The following ACAP3 variants were observed in gnomAD, a reference collection of about 807,000 sequenced individuals.
ACAP3 encodes the protein arf-GAP with coiled-coil, ANK repeat and PH domain-containing protein 3.
Under a neutral mutation model 104.1 loss-of-function variants are expected in ACAP3, and 56 were observed. The observed-to-expected ratio is 0.54, with a 90% CI of 0.43 to 0.67. ACAP3 has a LOEUF of 0.67. Ranked by LOEUF, ACAP3 falls within the 30% of genes least tolerant of loss-of-function variation. The pLI, the probability that ACAP3 is intolerant of heterozygous loss-of-function variation, is 0.00. For missense variants in ACAP3, 1,208 were observed against 1,174.9 expected (o/e 1.03, Z -0.41); for synonymous variants, 628 against 496.2 (o/e 1.27, Z -3.53).
chr1:1,293,402 G>T lies in ACAP3; in HGVS notation c.*162C>A. On this transcript the variant is annotated 3_prime_UTR_variant, in exon 24 of 24. Transcript: ENST00000354700. ...TCAAGAGACTCAGTGTGGGGCCCTC[G>T]CTCTCCTCCTGGGCGAGCAGGGCCG... 1.5e-6 allele frequency: 1 copy of T among 656,712 alleles called. No homozygotes were observed. The highest frequency in any genetic ancestry group is 2.1e-6 in the Non-Finnish European group (1 of 471,142). The allele number at this position is 656,712 out of a possible 1,614,324, so 40.7% of individuals were successfully genotyped here. A position where few individuals can be genotyped will look rare whatever the true frequency, so the allele number is the denominator to read the frequency against.
chr1:1,297,804 G>A lies in ACAP3; in HGVS notation c.1128+18C>T, dbSNP rs1429659828. ...GTGTGTGTGCACGGGCTTGGGGCAG[G>A]GGCACCAAGGGCCACACCTCGCTAT... is the stretch of plus-strand genomic sequence containing the variant. On this transcript the variant is annotated intron_variant, in intron 14 of 23. Coordinates refer to ENST00000354700, the MANE Select transcript of ACAP3 (RefSeq NM_030649.3). 1.2e-6 allele frequency: 2 copies of A among 1,607,132 alleles called. No individual in the cohort carries two copies. Among genetic ancestry groups the A allele is most frequent in the Non-Finnish European group, 1.7e-6 (2 of 1,176,264 alleles).
chr1:1,298,706 G>A, intron 10 of ACAP3, 27 bp from the exon 11 acceptor site: 1 of 1,569,644 alleles, frequency 6.4e-7, no homozygotes, highest in Non-Finnish European at 8.8e-7. Flanking sequence ...CGCCCCCTCA[G>A]TGCCCACCCC....
At chr1:1,304,930 A>G (rs925464300) in intron 1 of ACAP3, 1 of 152,248 alleles carries the variant, frequency 6.6e-6, no homozygotes, top group Non-Finnish European at 1.5e-5. Flanking sequence ...CCTCCACACA[A>G]TCGGCTCACT....
intron 12 of ACAP3, 26 bp downstream of exon 12, chr1:1,298,344 G>A (rs1464700630): frequency 6.2e-7 from 1 of 1,605,688 alleles, no homozygotes; most frequent in South Asian, 1.1e-5. Flanking sequence ...AGCCATCAGG[G>A]CCCCAGCCCC....
chr1:1,302,101 T>C (rs1641470770), intron 4 of ACAP3, 55 bp from the exon 5 acceptor site: 1 of 1,393,094 alleles, frequency 7.2e-7, no homozygotes, highest in Non-Finnish European at 9.5e-7. Context: ...GAGCCCCAGA[T>C]GGAAGGCCCC....
intron 11 of ACAP3, 69 bp downstream of exon 11, chr1:1,298,498 A>AACC: frequency 3.2e-5 from 17 of 533,066 alleles, no homozygotes; most frequent in South Asian, 9.2e-5. Flanking sequence ...CCACCTGAGG[A>AACC]CCCCACCCCC....
intron 22 of ACAP3, 33 bp downstream of exon 22, chr1:1,294,057 G>C: frequency 6.5e-7 from 1 of 1,530,192 alleles, no homozygotes; most frequent in South Asian, 1.2e-5. Context: ...GCGTGGTCGG[G>C]GCACAGGGCG....
At chr1:1,295,624 G>A (rs1456517358) in intron 18 of ACAP3, 70 bp from the exon 19 acceptor site, 18 of 1,566,816 alleles carry the variant, frequency 1.1e-5, no homozygotes, top group Admixed American at 1.1e-4. Context: ...AGGTCACGCC[G>A]GGAGTCTGCG....
chr1:1,302,794 T>C (rs1172802915), intron 4 of ACAP3, 128 bp downstream of exon 4: 12 of 175,976 alleles, frequency 6.8e-5, no homozygotes, highest in Admixed American at 3.1e-4. Context: ...AAATGTGGGA[T>C]TCCCCCCCCC....
In ACAP3 at chr1:1,303,153, G is replaced by A. The variant is rs776176506; in HGVS notation, c.225+9C>T. The A allele has an allele frequency of 3.2e-5, 51 of 1,591,752 alleles. No individual in the cohort carries two copies. The highest frequency in any genetic ancestry group is 4.4e-5 in the Non-Finnish European group (51 of 1,170,214). ...CCACCTTGAGGTCAGAGGTCAGTCG[G>A]CCCCTCACCGAGATGACGGTGTCGC... On this transcript the variant is annotated intron_variant, in intron 3 of 23. Transcript: ENST00000354700. This position sits in a 1 kb window ranked among gnomAD's most constrained non-coding sequence, Gnocchi z 4.0.
chr1:1,294,782 C>T lies in ACAP3; in HGVS notation c.1848G>A (p.Ser616=), dbSNP rs1641042846. The T allele has an allele frequency of 1.9e-6, 3 of 1,549,774 alleles. No homozygotes were observed. Among genetic ancestry groups the T allele is most frequent in the Non-Finnish European group, 1.7e-6 (2 of 1,146,692 alleles). The change falls in exon 20 of 24, where the codon TCG becomes TCA. Residue 616 remains serine, a synonymous_variant. Coordinates refer to ENST00000354700, the MANE Select transcript of ACAP3 (RefSeq NM_030649.3). ...AAGCCAGGACGTCCGAGCTGCCATC[C>T]GAGCTGCCCCCAAGGCCACTGTCGC... is the stretch of plus-strand genomic sequence containing the variant. ...LSSDSGLGGS[S]DGSSDVLAFG...
chr1:1,307,378 G>C (rs1641780218), intron 1 of ACAP3: 1 of 1,290,252 alleles, frequency 7.8e-7, no homozygotes, highest in Admixed American at 2.3e-5. Flanking sequence ...TTCCCCACGC[G>C]CTGCTCTGGA....
intron 4 of ACAP3, among the ~76,000 whole-genome samples, chr1:1,302,375 A>G (rs752560351): frequency 6.6e-6 from 1 of 152,030 alleles, no homozygotes; most frequent in Non-Finnish European, 1.5e-5. Flanking sequence ...TGCAGCAGGG[A>G]GCACTCAGCC....
intron 1 of ACAP3, 121 bp from the exon 2 acceptor site, chr1:1,304,264 G>C: frequency 1.6e-6 from 2 of 1,217,766 alleles, no homozygotes; most frequent in Non-Finnish European, 2.3e-6. Flanking sequence ...AAACAGGCTG[G>C]GAGACAGACG....
intron 1 of ACAP3, chr1:1,307,167 G>T (rs1033997398): frequency 7.9e-7 from 1 of 1,269,002 alleles, no homozygotes; most frequent in Non-Finnish European, 1.0e-6. Flanking sequence ...CTGTGAACAT[G>T]TAGTTCACGC....
intron 1 of ACAP3, chr1:1,307,246 C>T (rs536545111): frequency 6.2e-6 from 8 of 1,287,952 alleles, no homozygotes; most frequent in South Asian, 6.2e-5. Flanking sequence ...AACCCCTACC[C>T]CCTACCTGAC....
intron 6 of ACAP3, 73 bp downstream of exon 6, chr1:1,300,436 T>C: frequency 6.8e-7 from 1 of 1,473,646 alleles, no homozygotes; most frequent in Non-Finnish European, 9.2e-7. Flanking sequence ...ATCCCTCCAG[T>C]TCTGTACAAG....
rs1050231194 is a variant in ACAP3 at position 1,303,663 on chromosome 1, C to T, written c.106-382G>A. On this transcript the variant is annotated intron_variant, in intron 2 of 23. Coordinates refer to ENST00000354700, the MANE Select transcript of ACAP3 (RefSeq NM_030649.3). The surrounding 1 kb of genome is among the most constrained non-coding windows in gnomAD (Gnocchi z 4.0). ...CTCATGGACACGGCTCCCCTCTCCACGGCCTGTTGCCCCCTCTTTCTCAGC... is the reference window on the plus strand; with the variant it reads ...CTCATGGACACGGCTCCCCTCTCCATGGCCTGTTGCCCCCTCTTTCTCAGC... 1.8e-4 allele frequency: 60 copies of T among 327,034 alleles called. 2 individuals carry two copies. The highest frequency in any genetic ancestry group is 1.8e-3 in the African/African-American group (47 of 26,720). The allele number at this position is 327,034 out of a possible 1,614,324, so 20.3% of individuals were successfully genotyped here.
At chr1:1,297,070 C>T (rs933336496) in intron 14 of ACAP3, among the ~76,000 whole-genome samples, 1 of 152,354 alleles carries the variant, frequency 6.6e-6, no homozygotes, top group Non-Finnish European at 1.5e-5. Context: ...GGCGTGTGCA[C>T]GTGTGTGGGG....
Sources: gnomAD v4.1 joint callset for allele counts (sites outside exome capture counted in the v4.1 genomes callset) on GRCh38, gnomAD v4.1.1 for gene constraint, Gnocchi (gnomAD v3.1) non-coding constraint, MANE v1.5 for transcripts, NCBI Gene and HGNC (gene_info 2026-07-23, HGNC 2026-07-21) for gene names.